The following C2orf42 variants were observed in gnomAD, a reference collection of about 807,000 sequenced individuals.
C2orf42 encodes uncharacterized protein C2orf42.
In C2orf42, 44 loss-of-function variants were observed where a neutral mutation model predicts 58.9. The observed-to-expected ratio is 0.75, with a 90% CI of 0.59 to 0.96. C2orf42 has a LOEUF of 0.96. Among genes scored for constraint, C2orf42 ranks in the 40% least tolerant of loss-of-function variants. The pLI is 0.00. For missense variants in C2orf42, 630 were observed against 699.2 expected, an observed-to-expected ratio of 0.90 and a Z score of 1.12; for synonymous variants, 239 against 265.4, an observed-to-expected ratio of 0.90 and a Z score of 0.97.
At chr2:70,162,601 G>A (rs1289104410) in intron 8 of C2orf42, among the ~76,000 whole-genome samples, 1 of 151,690 alleles carries the variant, frequency 6.6e-6, no homozygotes, top group East Asian at 2.0e-4. Flanking sequence ...CCAAGATTGT[G>A]CCCTGCATTC....
chr2:70,156,870 A>G (rs560248937), intron 9 of C2orf42, among the ~76,000 whole-genome samples: 1 of 152,020 alleles, frequency 6.6e-6, no homozygotes, highest in South Asian at 2.1e-4. Context: ...TCAAAAAAAA[A>G]AAAAGAGTAA....
chr2:70,172,390 T>C (rs752456667), intron 5 of C2orf42, among the ~76,000 whole-genome samples: 6 of 151,084 alleles, frequency 4.0e-5, no homozygotes, highest in Non-Finnish European at 7.4e-5. Context: ...TCTTAAAATA[T>C]CTTTATTCCG....
chr2:70,174,732 G>A (rs1558675554), intron 5 of C2orf42, among the ~76,000 whole-genome samples: 1 of 151,504 alleles, frequency 6.6e-6, no homozygotes, highest in Non-Finnish European at 1.5e-5. Flanking sequence ...GGAAAATGGT[G>A]CGATCTTGGC....
intron 6 of C2orf42, among the ~76,000 whole-genome samples, chr2:70,169,290 C>T (rs1209785663): frequency 6.6e-6 from 1 of 151,726 alleles, no homozygotes; most frequent in African/African-American, 2.4e-5. Flanking sequence ...CACGTGCACA[C>T]GAACTTATGC....
intron 6 of C2orf42, among the ~76,000 whole-genome samples, chr2:70,168,866 T>C (rs1673594987): frequency 6.6e-6 from 1 of 151,812 alleles, no homozygotes; most frequent in African/African-American, 2.4e-5. Flanking sequence ...GCACCCACTA[T>C]AATGCCTGGC....
rs1442161427 is a variant in C2orf42, at chr2:70,164,331, CA to C, written c.1353+760del. ...AAACCAAAATTCAAAAAAAAAAGAC[CA>C]AAAAAAAATTTTTTTTAAAGGGTCA... On this transcript the variant is annotated intron_variant, in intron 8 of 9. Coordinates refer to ENST00000264434, the MANE Select transcript of C2orf42 (RefSeq NM_017880.3). Among the ~76,000 whole-genome samples the C allele has an allele frequency of 1.7e-3, 254 of 151,030 alleles. 2 individuals are homozygous for C. The highest frequency in any genetic ancestry group is 5.9e-3 in the African/African-American group (242 of 41,188).
intron 6 of C2orf42, among the ~76,000 whole-genome samples, chr2:70,168,224 C>G (rs532062103): frequency 4.0e-4 from 61 of 151,410 alleles, no homozygotes; most frequent in Admixed American, 9.2e-4. Flanking sequence ...ACAAGTGATT[C>G]ACCTACCTCA....
intron 8 of C2orf42, 120 bp downstream of exon 8, chr2:70,164,972 G>A (rs1313540441): frequency 2.0e-6 from 1 of 498,980 alleles, no homozygotes; most frequent in Non-Finnish European, 3.6e-6. Context: ...ATATCTCTTA[G>A]CATGAAAAAA....
chr2:70,185,385 G>A (rs1674862288), intron 1 of C2orf42, among the ~76,000 whole-genome samples: 1 of 149,556 alleles, frequency 6.7e-6, no homozygotes, highest in Non-Finnish European at 1.5e-5. Flanking sequence ...TCCAGCATGG[G>A]TGACAAGAGT....
In C2orf42 at chr2:70,175,690, G is replaced by A. The variant is rs925515875; in HGVS notation, c.1022C>T (p.Ser341Phe). The A allele has an allele frequency of 9.3e-6, 15 of 1,609,834 alleles. No individual in the cohort carries two copies. The highest frequency in any genetic ancestry group is 1.3e-5 in the Non-Finnish European group (15 of 1,176,182). Residue 341 changes from serine (S) to phenylalanine (F), a missense_variant, in exon 5 of 10, where the codon TCC becomes TTC. Ser to Phe is a radical substitution (Grantham distance 155, BLOSUM62 -2). Transcript: ENST00000264434. ...KSGLKKPVVA[S>F]SLKRQACGQL... ...AAACTTACCCTGCCTTTTTAACGAG[G>A]AAGCAACCACAGGCTTTTTCAGGCC...
chr2:70,177,494 G>C (rs1447168207), intron 4 of C2orf42, among the ~76,000 whole-genome samples: 1 of 152,124 alleles, frequency 6.6e-6, no homozygotes, highest in African/African-American at 2.4e-5. Flanking sequence ...ATTCCTGCCA[G>C]AATTGCCTCT....
rs747637155 is a variant in C2orf42 at position 70,181,525 on chromosome 2, G to A, written c.461C>T (p.Ser154Leu). ...AEATPLTLKSSVLNAMQASPE... is the reference protein window; with the variant it reads ...AEATPLTLKSLVLNAMQASPE... ...GGAGGCCTGCATTGCATTCAGGACC[G>A]AGCTCTTCAGGGTCAGAGGGGTGGC... The change falls in exon 3 of 10, where the codon TCG becomes TTG. Residue 154 changes from serine (S) to leucine (L), a missense_variant. By Grantham distance (145) the Ser-to-Leu change is moderately radical. Transcript: ENST00000264434. The A allele has an allele frequency of 6.8e-6, 11 of 1,613,402 alleles. No individual in the cohort carries two copies. Among genetic ancestry groups the A allele is most frequent in the African/African-American group, 6.7e-5 (5 of 74,908 alleles).
chr2:70,179,499 C>A, intron 4 of C2orf42, 33 bp downstream of exon 4: 1 of 823,598 alleles, frequency 1.2e-6, no homozygotes, highest in Non-Finnish European at 2.1e-6. Flanking sequence ...TCTCTAAAGA[C>A]AATACCACCA....
At chr2:70,153,365 C>CT (rs1179352686) in intron 9 of C2orf42, among the ~76,000 whole-genome samples, 5,677 of 131,906 alleles carry the variant, frequency 0.043, 347 homozygotes, top group Admixed American at 0.16. Context: ...CTGGACAGAT[C>CT]TTTTTTTTTT....
At chr2:70,179,680 C>A in intron 3 of C2orf42, 38 bp from the exon 4 acceptor site, 1 of 868,294 alleles carries the variant, frequency 1.2e-6, no homozygotes. Flanking sequence ...TAATCCTATC[C>A]AAGGGTAAGT....
At chr2:70,165,046 C>G (rs752866309) in intron 8 of C2orf42, 46 bp downstream of exon 8, 4 of 1,033,330 alleles carry the variant, frequency 3.9e-6, no homozygotes. Flanking sequence ...TTGCCTCCCT[C>G]TCTTCCCTTC....
At chr2:70,152,614 T>C (rs899724353) in intron 9 of C2orf42, among the ~76,000 whole-genome samples, 3 of 152,172 alleles carry the variant, frequency 2.0e-5, no homozygotes, top group Admixed American at 6.6e-5. Context: ...CTAGTACTTG[T>C]ACAGAGCAGC....
intron 5 of C2orf42, among the ~76,000 whole-genome samples, chr2:70,172,361 T>C (rs577505589): frequency 6.6e-6 from 1 of 151,662 alleles, no homozygotes; most frequent in Non-Finnish European, 1.5e-5. Context: ...CTTCCACAGA[T>C]CTATCATTCT....
At chr2:70,177,839 C>G (rs532109168) in intron 4 of C2orf42, among the ~76,000 whole-genome samples, 1 of 152,182 alleles carries the variant, frequency 6.6e-6, no homozygotes, top group South Asian at 2.1e-4. Flanking sequence ...AGTTTGAGAC[C>G]AGCCTGGTCA....
Sources: gnomAD v4.1 joint callset for allele counts (sites outside exome capture counted in the v4.1 genomes callset) on GRCh38, gnomAD v4.1.1 for gene constraint, MANE v1.5 for transcripts, NCBI Gene and HGNC (gene_info 2026-07-23, HGNC 2026-07-21) for gene names.